The following DCPS variants were observed in gnomAD, a reference collection of about 807,000 sequenced individuals.
DCPS encodes m7GpppX diphosphatase.
A neutral mutation model predicts 34.7 loss-of-function variants in DCPS; 27 were observed. The ratio of observed to expected loss-of-function variants is 0.78; its 90% CI spans 0.57 to 1.07. The LOEUF is 1.07. Ranked by LOEUF, DCPS falls within the 50% of genes least tolerant of loss-of-function variation. DCPS has a pLI of 0.00. For synonymous variants in DCPS, 185 were observed against 185.7 expected (o/e 1.00, Z 0.03); for missense variants, 464 against 436.9 (o/e 1.06, Z -0.55).
intron 2 of DCPS, among the ~76,000 whole-genome samples, chr11:126,308,176 T>A (rs1951589448): frequency 6.6e-6 from 1 of 152,202 alleles, no homozygotes; most frequent in East Asian, 1.9e-4. Context: ...GCATTTTTTC[T>A]CAAGATGGTT....
chr11:126,305,132 C>T (rs1330649966), intron 1 of DCPS, among the ~76,000 whole-genome samples: 1 of 152,064 alleles, frequency 6.6e-6, no homozygotes, highest in Non-Finnish European at 1.5e-5. Context: ...ATTTTTGAGA[C>T]GGAGTCTCTC....
rs1160074301 is a variant in DCPS at position 126,316,606 on chromosome 11, T to C, written c.376+9862T>C. Reference sequence around the variant, plus strand: ...TTAGATGTTTTCTGTATTCTACGTCTGTTTCTTTCTTGTTTTACTCTCTTG... The same window carrying C: ...TTAGATGTTTTCTGTATTCTACGTCCGTTTCTTTCTTGTTTTACTCTCTTG... On this transcript the variant is annotated intron_variant, in intron 2 of 5. Transcript: ENST00000263579. Among the ~76,000 whole-genome samples the C allele has an allele frequency of 2.0e-5, 3 of 151,920 alleles. No homozygotes were observed. The East Asian group carries it at 5.8e-4, about 29-fold the overall frequency.
chr11:126,310,330 A>G (rs1290150649), intron 2 of DCPS, among the ~76,000 whole-genome samples: 1 of 152,210 alleles, frequency 6.6e-6, no homozygotes, highest in Non-Finnish European at 1.5e-5. Context: ...GGTGCAATTC[A>G]AGAATCCGAT....
chr11:126,330,490 C>T (rs757647173), intron 2 of DCPS, among the ~76,000 whole-genome samples: 1 of 151,670 alleles, frequency 6.6e-6, no homozygotes. Context: ...TTTTACTATC[C>T]TCATTTGGCA....
chr11:126,338,290 T>C lies in DCPS; in HGVS notation c.527T>C (p.Val176Ala). 1 of 1,614,018 alleles carries C rather than the reference T, an allele frequency of 6.2e-7. No individual in the cohort carries two copies. Among genetic ancestry groups the C allele is most frequent in the Non-Finnish European group, 8.5e-7 (1 of 1,179,952 alleles). Residue 176 changes from valine (V) to alanine (A), a missense_variant, in exon 4 of 6, where the codon GTG becomes GCG. Val to Ala is a moderately conservative substitution (Grantham distance 64, BLOSUM62 0). Transcript: ENST00000263579. This position sits in a 1 kb window ranked among gnomAD's most constrained non-coding sequence, Gnocchi z 5.4. ...TCTCTCTCCCCCTCCTTTCAGTGGG[T>C]GTATAACATTCTCGACAAGAAGGCT... ...LESQSLSIQWVYNILDKKAEA... is the reference protein window; with the variant it reads ...LESQSLSIQWAYNILDKKAEA...
rs1224056153 is a variant in DCPS at position 126,323,909 on chromosome 11, C to T, written c.377-7496C>T. ...GCAGTGGCGCCATCTCGGCTCACCGCAACCTCTACCTCCCAGGTTCAAGCG... is the reference window on the plus strand; with the variant it reads ...GCAGTGGCGCCATCTCGGCTCACCGTAACCTCTACCTCCCAGGTTCAAGCG... On this transcript the variant is annotated intron_variant, in intron 2 of 5. Coordinates refer to ENST00000263579, the MANE Select transcript of DCPS (RefSeq NM_014026.6). This position sits in a 1 kb window ranked among gnomAD's most constrained non-coding sequence, Gnocchi z 4.4. Among the ~76,000 whole-genome samples the T allele has an allele frequency of 1.3e-5, 2 of 152,190 alleles. No individual in the cohort carries two copies. Among genetic ancestry groups the T allele is most frequent in the Non-Finnish European group, 2.9e-5 (2 of 68,034 alleles).
chr11:126,343,500 T>C (rs240536), intron 5 of DCPS, 83 bp downstream of exon 5: 518,405 of 1,136,868 alleles, frequency 0.46, 123,193 homozygotes, highest in East Asian at 0.7. Flanking sequence ...TTTCCTCACC[T>C]TTCCCAGAGT....
At chr11:126,330,510 G>T (rs1951774626) in intron 2 of DCPS, among the ~76,000 whole-genome samples, 1 of 151,680 alleles carries the variant, frequency 6.6e-6, no homozygotes, top group Non-Finnish European at 1.5e-5. Context: ...AGATGAAGAA[G>T]TAGGGGCACC....
Position 126,345,644 on chromosome 11 carries a change from G to T in DCPS, c.*31G>T. 6.3e-7 allele frequency: 1 copy of T among 1,594,756 alleles called. No individual in the cohort carries two copies. The highest frequency in any genetic ancestry group is 1.1e-5 in the South Asian group (1 of 90,336). ...CTCAGGCAGAAGAGCACAGATGTGT[G>T]GGATTGGGGGAGGAGTGGGGACAAG... On this transcript the variant is annotated 3_prime_UTR_variant, in exon 6 of 6. Coordinates refer to ENST00000263579, the MANE Select transcript of DCPS (RefSeq NM_014026.6). The surrounding 1 kb of genome is among the most constrained non-coding windows in gnomAD (Gnocchi z 7.4).
At position 126,338,328 on chromosome 11, in the gene DCPS, A is replaced by C. The variant is rs1951849737; in HGVS notation, c.565A>C (p.Ile189Leu). ...CGACAAGAAGGCTGAAGCGGACCGG[A>C]TTGTTTTCGAGAACCCAGATCCCTC... ...ILDKKAEADR[I>L]VFENPDPSDG... The change falls in exon 4 of 6, where the codon ATT becomes CTT. Residue 189 changes from isoleucine (I) to leucine (L), a missense_variant. Physicochemically the swap from Ile to Leu is conservative, Grantham distance 5. Coordinates refer to ENST00000263579, the MANE Select transcript of DCPS (RefSeq NM_014026.6). The surrounding 1 kb of genome is among the most constrained non-coding windows in gnomAD (Gnocchi z 5.4). 2 of 1,613,990 alleles carry C rather than the reference A, an allele frequency of 1.2e-6. No homozygotes were observed. The highest frequency in any genetic ancestry group is 1.7e-6 in the Non-Finnish European group (2 of 1,180,010).
intron 2 of DCPS, among the ~76,000 whole-genome samples, chr11:126,314,778 G>A (rs953084917): frequency 3.9e-5 from 6 of 152,240 alleles, no homozygotes; most frequent in Non-Finnish European, 5.9e-5. Flanking sequence ...CTCATATGTG[G>A]GAGCTAAGCT....
Position 126,348,079 on chromosome 11 carries a change from A to G in DCPS, c.*2466A>G, listed in dbSNP as rs917759233. Among the ~76,000 whole-genome samples the G allele has an allele frequency of 6.6e-6, 1 of 151,906 alleles. No individual in the cohort carries two copies. Among genetic ancestry groups the G allele is most frequent in the African/African-American group, 2.4e-5 (1 of 41,308 alleles). The stretch of plus-strand genomic sequence containing the variant: ...CTGGAGGAAGGTGGGTAGGAATTTG[A>G]CACCGGATAAATAAATGTTTGAGGG... On this transcript the variant is annotated 3_prime_UTR_variant, in exon 6 of 6. Transcript: ENST00000263579. The surrounding 1 kb of genome is among the most constrained non-coding windows in gnomAD (Gnocchi z 5.3).
At position 126,344,918 on chromosome 11, in the gene DCPS, A is replaced by G. The variant is rs1299992173; in HGVS notation, c.748-429A>G. On this transcript the variant is annotated intron_variant, in intron 5 of 5. Coordinates refer to ENST00000263579, the MANE Select transcript of DCPS (RefSeq NM_014026.6). The surrounding 1 kb of genome is among the most constrained non-coding windows in gnomAD (Gnocchi z 8.1). ...TCCAAGCTCCACCCTGTGCTATGCT[A>G]AAAGAGAGAATGAGGCTTCCTCCCA... is the stretch of plus-strand genomic sequence containing the variant. Among the ~76,000 whole-genome samples, 1 of 152,186 alleles carries G rather than the reference A, an allele frequency of 6.6e-6. No individual in the cohort carries two copies. The highest frequency in any genetic ancestry group is 1.9e-4 in the East Asian group (1 of 5,186).
At position 126,333,118 on chromosome 11, in the gene DCPS, C is replaced by T. The variant is rs971119020; in HGVS notation, c.522+1568C>T. ...TTGGCCTCCCAAAGTGCTAGGATTA[C>T]AGGTGTGAGCCACTGTGCCTGGCCA... is the stretch of plus-strand genomic sequence containing the variant. On this transcript the variant is annotated intron_variant, in intron 3 of 5. Coordinates refer to ENST00000263579, the MANE Select transcript of DCPS (RefSeq NM_014026.6). This position sits in a 1 kb window ranked among gnomAD's most constrained non-coding sequence, Gnocchi z 5.7. Among the ~76,000 whole-genome samples the T allele has an allele frequency of 6.6e-6, 1 of 152,204 alleles. No individual in the cohort carries two copies. The highest frequency in any genetic ancestry group is 2.4e-5 in the African/African-American group (1 of 41,454).
Position 126,337,090 on chromosome 11 carries a change from G to A in DCPS, c.523-1196G>A, listed in dbSNP as rs548894708. ...GCAGTCCCCGTGCCTCTAGCCTTCG[G>A]TGATGCTACCTGTCCAGCACTTCTG... On this transcript the variant is annotated intron_variant, in intron 3 of 5. Coordinates refer to ENST00000263579, the MANE Select transcript of DCPS (RefSeq NM_014026.6). This position sits in a 1 kb window ranked among gnomAD's most constrained non-coding sequence, Gnocchi z 5.3. The A allele has an allele frequency of 2.6e-5, 4 of 152,360 alleles. No homozygotes were observed. The highest frequency in any genetic ancestry group is 9.6e-5 in the African/African-American group (4 of 41,574). The allele number at this position is 152,360 out of a possible 1,614,324, so 9.4% of individuals were successfully genotyped here. A position where few individuals can be genotyped will look rare whatever the true frequency, so the allele number is the denominator to read the frequency against.
intron 2 of DCPS, among the ~76,000 whole-genome samples, chr11:126,318,864 G>T (rs1951682631): frequency 6.6e-6 from 1 of 152,234 alleles, no homozygotes; most frequent in Non-Finnish European, 1.5e-5. Flanking sequence ...TCTGTGGTTT[G>T]TGTTTTCATG....
In DCPS at chr11:126,327,655, T is replaced by G. The variant is rs1231732094; in HGVS notation, c.377-3750T>G. 6.6e-6 allele frequency among the ~76,000 whole-genome samples: 1 copy of G among 152,102 alleles called. No homozygotes were observed. Among genetic ancestry groups the G allele is most frequent in the Non-Finnish European group, 1.5e-5 (1 of 68,002 alleles). On this transcript the variant is annotated intron_variant, in intron 2 of 5. Transcript: ENST00000263579. The surrounding 1 kb of genome is among the most constrained non-coding windows in gnomAD (Gnocchi z 4.1). ...GTAAACACCAGCGTTCATTGTTTTT[T>G]GGCTGCCATCGTAAACCTTAGCATT...
chr11:126,322,270 T>C lies in DCPS; in HGVS notation c.377-9135T>C, dbSNP rs1951713004. ...TTCAGATCTTCTTATTTTTATTTATTTTTATTTTTTTGAGACAGAGTCTCA... is the reference window on the plus strand; with the variant it reads ...TTCAGATCTTCTTATTTTTATTTATCTTTATTTTTTTGAGACAGAGTCTCA... On this transcript the variant is annotated intron_variant, in intron 2 of 5. Coordinates refer to ENST00000263579, the MANE Select transcript of DCPS (RefSeq NM_014026.6). This position sits in a 1 kb window ranked among gnomAD's most constrained non-coding sequence, Gnocchi z 4.2. Among the ~76,000 whole-genome samples, 1 of 143,822 alleles carries C rather than the reference T, an allele frequency of 7.0e-6. No individual in the cohort carries two copies. Among genetic ancestry groups the C allele is most frequent in the African/African-American group, 2.6e-5 (1 of 39,050 alleles). 94.4% of individuals were successfully genotyped at this position (143,822 alleles called of 152,430 possible).
At chr11:126,330,733 T>A (rs1951782655) in intron 2 of DCPS, among the ~76,000 whole-genome samples, 1 of 79,942 alleles carries the variant, frequency 1.3e-5, no homozygotes, top group Admixed American at 1.2e-4. Context: ...TTTTTTTTTT[T>A]TTTTTTTTTT....
Sources: allele counts gnomAD v4.1 joint callset (sites outside exome capture counted in the v4.1 genomes callset), GRCh38; gene constraint gnomAD v4.1.1; non-coding constraint Gnocchi (gnomAD v3.1); transcripts MANE v1.5; gene names NCBI Gene and HGNC (gene_info 2026-07-23, HGNC 2026-07-21).